Variants in DOCK3 observed in about 807,000 individuals in gnomAD.
DOCK3 encodes the protein dedicator of cytokinesis protein 3.
In DOCK3, 60 loss-of-function variants were observed where a neutral mutation model predicts 265.6. The ratio of observed to expected loss-of-function variants is 0.23; its 90% CI spans 0.18 to 0.28. The LOEUF (loss-of-function observed/expected upper bound fraction) is 0.28, where lower values mean the gene tolerates loss of function less well. DOCK3 is among the 10% of genes least tolerant of loss of function. DOCK3 has a pLI of 1.00. For missense variants in DOCK3, 1,981 were observed against 2,594.3 expected (o/e 0.76, Z 5.14); for synonymous variants, 881 against 938.0 (o/e 0.94, Z 1.11).
chr3:50,933,934 A>T, intron 4 of DOCK3, 47 bp from the exon 5 acceptor site: 1 of 1,364,406 alleles, frequency 7.3e-7, no homozygotes, highest in Non-Finnish European at 1.0e-6. Context: ...GTTTGCCGAG[A>T]TTTTTTTCAG....
chr3:50,993,068 C>T (rs1161852125), intron 5 of DOCK3, among the ~76,000 whole-genome samples: 2 of 152,184 alleles, frequency 1.3e-5, no homozygotes. Flanking sequence ...TAGACCATCT[C>T]CTCAATCCCT....
Position 50,989,935 on chromosome 3 carries a change from A to C in DOCK3, c.315+55858A>C, listed in dbSNP as rs148833493. Among the ~76,000 whole-genome samples, 117 of 152,346 alleles carry C rather than the reference A, an allele frequency of 7.7e-4. 2 individuals carry two copies. The highest frequency in any genetic ancestry group is 2.2e-3 in the African/African-American group (91 of 41,582). ...AAGTGATACAGGAGCTGAAGGACAAAATAGCTGATATAAAAAAGAACCTAA... is the reference window on the plus strand; with the variant it reads ...AAGTGATACAGGAGCTGAAGGACAACATAGCTGATATAAAAAAGAACCTAA... On this transcript the variant is annotated intron_variant, in intron 5 of 52. Coordinates refer to ENST00000266037, the MANE Select transcript of DOCK3 (RefSeq NM_004947.5).
intron 32 of DOCK3, among the ~76,000 whole-genome samples, chr3:51,320,641 G>A (rs531312883): frequency 1.3e-5 from 2 of 152,202 alleles, no homozygotes; most frequent in Non-Finnish European, 2.9e-5. Flanking sequence ...CTGGTTGGGA[G>A]AGGGGCTTCT....
At position 51,228,046 on chromosome 3, in the gene DOCK3, C is replaced by T. The variant is rs2108377894; in HGVS notation, c.1605C>T (p.Gly535=). Residue 535 remains glycine, a synonymous_variant, in exon 17 of 53, where the codon GGC becomes GGT. Coordinates refer to ENST00000266037, the MANE Select transcript of DOCK3 (RefSeq NM_004947.5). ...TCTCAACCCTGATGCGTGATGATGG[C>T]ACCACCCTCTCAGATGATATTCACG... is the stretch of plus-strand genomic sequence containing the variant. The part of the protein sequence containing the change: ...FAFSTLMRDD[G]TTLSDDIHEL... The T allele has an allele frequency of 6.2e-7, 1 of 1,614,028 alleles. No homozygotes were observed. Among genetic ancestry groups the T allele is most frequent in the East Asian group, 2.2e-5 (1 of 44,878 alleles).
chr3:50,999,110 A>G (rs997510751), intron 5 of DOCK3, among the ~76,000 whole-genome samples: 6 of 152,250 alleles, frequency 3.9e-5, no homozygotes, highest in African/African-American at 1.4e-4. Context: ...AAATATTTCT[A>G]AAGAGTTTTA....
rs1326144039 is a variant in DOCK3 at position 51,038,289 on chromosome 3, T to A, written c.316-26159T>A. 1.4e-4 allele frequency among the ~76,000 whole-genome samples: 22 copies of A among 152,302 alleles called. 1 individual carries two copies. The highest frequency in any genetic ancestry group is 6.8e-3 in the Middle Eastern group (2 of 294). Reference sequence around the variant, plus strand: ...GGATCTAGGCAAGAGATAACTGATTTCAGGAGTCAGCTATGAAATGAAATA... The same window carrying A: ...GGATCTAGGCAAGAGATAACTGATTACAGGAGTCAGCTATGAAATGAAATA... On this transcript the variant is annotated intron_variant, in intron 5 of 52. Coordinates refer to ENST00000266037, the MANE Select transcript of DOCK3 (RefSeq NM_004947.5).
intron 38 of DOCK3, among the ~76,000 whole-genome samples, chr3:51,346,774 A>G (rs946597638): frequency 1.3e-5 from 2 of 152,146 alleles, no homozygotes; most frequent in African/African-American, 4.8e-5. Flanking sequence ...AAGTGTTCCT[A>G]CTTCTCCCCA....
rs752614843 is a variant in DOCK3 at position 50,909,640 on chromosome 3, CG to C, written c.218+19560del. On this transcript the variant is annotated intron_variant, in intron 4 of 52. Transcript: ENST00000266037. ...GTCTTTTTTCTCTGGCTACCCTTAA[CG>C]TTTTTTTTTTTTTTTTTTTCATTTT... Among the ~76,000 whole-genome samples the C allele has an allele frequency of 4.7e-3, 571 of 121,524 alleles. 9 individuals are homozygous for C. Among genetic ancestry groups the C allele is most frequent in the African/African-American group, 0.017 (533 of 32,102 alleles). The allele number at this position is 121,524 out of a possible 152,430, so 79.7% of individuals were successfully genotyped here. A position where few individuals can be genotyped will look rare whatever the true frequency, so the allele number is the denominator to read the frequency against.
At chr3:50,804,597 G>A (rs955914626) in intron 2 of DOCK3, among the ~76,000 whole-genome samples, 8 of 152,204 alleles carry the variant, frequency 5.3e-5, no homozygotes, top group Non-Finnish European at 1.0e-4. Context: ...AAACCAGTCA[G>A]GCGTGGCGGC....
chr3:50,973,242 C>A (rs2077311263), intron 5 of DOCK3, among the ~76,000 whole-genome samples: 1 of 150,266 alleles, frequency 6.7e-6, no homozygotes, highest in African/African-American at 2.5e-5. Flanking sequence ...CACCCACTAA[C>A]TCGTCATCTA....
chr3:51,363,739 T>G (rs2086912830), intron 49 of DOCK3, among the ~76,000 whole-genome samples: 2 of 152,218 alleles, frequency 1.3e-5, no homozygotes, highest in Non-Finnish European at 2.9e-5. Flanking sequence ...ATGCAGTGTT[T>G]GGTTTTCTGT....
chr3:51,141,409 A>G (rs1327542464), intron 9 of DOCK3, among the ~76,000 whole-genome samples: 1 of 151,956 alleles, frequency 6.6e-6, no homozygotes, highest in African/African-American at 2.4e-5. Flanking sequence ...CAGTTATAAT[A>G]AAGATGTATA....
chr3:50,944,207 A>G (rs1575586507), intron 5 of DOCK3, among the ~76,000 whole-genome samples: 1 of 152,044 alleles, frequency 6.6e-6, no homozygotes, highest in African/African-American at 2.4e-5. Flanking sequence ...GAATAGAAAA[A>G]CCCCATTCCA....
intron 2 of DOCK3, among the ~76,000 whole-genome samples, chr3:50,808,201 G>C (rs1438705780): frequency 1.3e-5 from 2 of 152,088 alleles, no homozygotes; most frequent in African/African-American, 4.8e-5. Flanking sequence ...TAAAAATCTT[G>C]ATAAAAATTA....
intron 32 of DOCK3, among the ~76,000 whole-genome samples, chr3:51,317,307 G>A (rs2083422136): frequency 1.3e-5 from 2 of 150,764 alleles, no homozygotes; most frequent in African/African-American, 4.9e-5. Flanking sequence ...ACAAGGAGAA[G>A]CTTAAAAAAA....
At chr3:50,803,247 G>A (rs1432078199) in intron 2 of DOCK3, among the ~76,000 whole-genome samples, 1 of 151,946 alleles carries the variant, frequency 6.6e-6, no homozygotes, top group Non-Finnish European at 1.5e-5. Flanking sequence ...GTGTCCCTGG[G>A]TACTTGAGAT....
rs868140572 is a variant in DOCK3, at chr3:50,742,986, C to T, written c.38-35689C>T. Among the ~76,000 whole-genome samples the T allele has an allele frequency of 5.3e-5, 8 of 152,094 alleles. No homozygotes were observed. The South Asian group carries it at 1.2e-3, about 24-fold the overall frequency. ...AAAGGGAAGCCCATCAGACTAACAG[C>T]GGATCTCTCGGCAGAAACTCTACAA... is the stretch of plus-strand genomic sequence containing the variant. On this transcript the variant is annotated intron_variant, in intron 1 of 52. Transcript: ENST00000266037.
intron 27 of DOCK3, among the ~76,000 whole-genome samples, chr3:51,289,006 T>A (rs1186956568): frequency 6.6e-6 from 1 of 150,964 alleles, no homozygotes; most frequent in African/African-American, 2.4e-5. Context: ...GGAAGAGAGA[T>A]GAGAGACTTG....
chr3:51,095,851 CAAA>C (rs71278627), intron 9 of DOCK3, among the ~76,000 whole-genome samples: 17 of 9,804 alleles, frequency 1.7e-3, no homozygotes, highest in South Asian at 9.6e-3. Flanking sequence ...ATAAGGTTAG[CAAA>C]AAAAAAAAAA....
Sources: allele counts gnomAD v4.1 joint callset (sites outside exome capture counted in the v4.1 genomes callset), GRCh38; gene constraint gnomAD v4.1.1; transcripts MANE v1.5; gene names NCBI Gene and HGNC (gene_info 2026-07-23, HGNC 2026-07-21).